The following GML variants were observed in gnomAD, a reference collection of about 807,000 sequenced individuals.
GML encodes the protein glycosyl-phosphatidylinositol-anchored molecule-like protein.
In GML, 5 loss-of-function variants were observed where a neutral mutation model predicts 8.2. That is an observed-to-expected ratio of 0.61 (90% CI 0.32 to 1.28). GML has a LOEUF of 1.28. Among genes scored for constraint, GML ranks in the 50% most tolerant of loss-of-function variants. The pLI, the probability that GML is intolerant of heterozygous loss-of-function variation, is 0.06. For synonymous variants in GML, 72 were observed against 69.0 expected, an observed-to-expected ratio of 1.04 and a Z score of -0.22; for missense variants, 191 against 198.3, an observed-to-expected ratio of 0.96 and a Z score of 0.22.
intron 3 of GML, among the ~76,000 whole-genome samples, chr8:142,845,162 C>T (rs1278605502): frequency 6.6e-6 from 1 of 152,150 alleles, no homozygotes; most frequent in East Asian, 1.9e-4. Context: ...GCAAAAGAAG[C>T]CATCCACAAA....
At chr8:142,844,513 C>T (rs1221496874) in intron 3 of GML, among the ~76,000 whole-genome samples, 1 of 152,152 alleles carries the variant, frequency 6.6e-6, no homozygotes, top group Non-Finnish European at 1.5e-5. Context: ...AATAGTATAA[C>T]CGCAAGCCAC....
rs374503896 is a variant in GML, at chr8:142,846,634, G to T, written c.421G>T (p.Val141Leu). Residue 141 changes from valine (V) to leucine (L), a missense_variant, in exon 4 of 4, where the codon GTA becomes TTA. Coordinates refer to ENST00000220940, the MANE Select transcript of GML (RefSeq NM_002066.3). ...ELPEGTVRLGVSKLLLSFASI... is the reference protein window; with the variant it reads ...ELPEGTVRLGLSKLLLSFASI... ...TCCAGAAGGAACTGTGAGGCTGGGG[G>T]TATCAAAACTGTTGCTGAGTTTTGC... is the stretch of plus-strand genomic sequence containing the variant. 17 of 1,613,912 alleles carry T rather than the reference G, an allele frequency of 1.1e-5. No individual in the cohort carries two copies. The highest frequency in any genetic ancestry group is 1.3e-5 in the Non-Finnish European group (15 of 1,179,926).
intron 1 of GML, among the ~76,000 whole-genome samples, chr8:142,836,916 T>C (rs1056499292): frequency 2.0e-5 from 3 of 152,340 alleles, no homozygotes; most frequent in African/African-American, 7.2e-5. Context: ...TTTCTGAAAT[T>C]GAAATCTTTT....
At chr8:142,842,016 T>C (rs922897834) in intron 3 of GML, among the ~76,000 whole-genome samples, 1 of 152,204 alleles carries the variant, frequency 6.6e-6, no homozygotes, top group African/African-American at 2.4e-5. Context: ...CACCCAGATC[T>C]CATCTTGAAT....
At chr8:142,835,168 T>A (rs947435632) in intron 1 of GML, among the ~76,000 whole-genome samples, 1 of 150,706 alleles carries the variant, frequency 6.6e-6, no homozygotes, top group African/African-American at 2.4e-5. Flanking sequence ...TCAGCTCCTC[T>A]CAGGGGTACT....
rs150336506 is a variant in GML, at chr8:142,840,458, C to T, written c.21C>T (p.Leu7=). Residue 7 remains leucine (L), a synonymous_variant, in exon 2 of 4, where the codon CTC becomes CTT. Coordinates refer to ENST00000220940, the MANE Select transcript of GML (RefSeq NM_002066.3). MLLFAL[L]LAMELPLVAA... ...AAGTGATGCTCCTCTTTGCCTTACT[C>T]CTAGCCATGGAGCTCCCATTGGTGG... The T allele has an allele frequency of 8.0e-4, 1,289 of 1,613,786 alleles. 6 individuals carry two copies. The highest frequency in any genetic ancestry group is 5.5e-3 in the South Asian group (497 of 91,082).
chr8:142,841,058 G>C (rs1816424860), intron 2 of GML, 60 bp from the exon 3 acceptor site: 2 of 842,910 alleles, frequency 2.4e-6, no homozygotes, highest in Non-Finnish European at 4.2e-6. Context: ...GAGTGAGCTG[G>C]TAATGGGTGG....
At chr8:142,836,443 A>G (rs890760917) in intron 1 of GML, among the ~76,000 whole-genome samples, 64 of 152,310 alleles carry the variant, frequency 4.2e-4, no homozygotes, top group African/African-American at 1.4e-3. Flanking sequence ...AAATTTTTTC[A>G]TCTTTAAAAA....
At chr8:142,844,326 A>G (rs911989883) in intron 3 of GML, among the ~76,000 whole-genome samples, 2 of 151,990 alleles carry the variant, frequency 1.3e-5, no homozygotes, top group Admixed American at 6.6e-5. Context: ...GTAGATCTCA[A>G]TGTAAATATT....
intron 3 of GML, among the ~76,000 whole-genome samples, chr8:142,844,754 C>T (rs1816482942): frequency 6.6e-6 from 1 of 152,150 alleles, no homozygotes; most frequent in Non-Finnish European, 1.5e-5. Context: ...ACAATAACAC[C>T]ACAGGAAATG....
chr8:142,837,975 C>G (rs528405734), intron 1 of GML, among the ~76,000 whole-genome samples: 1 of 149,020 alleles, frequency 6.7e-6, no homozygotes, highest in African/African-American at 2.5e-5. Flanking sequence ...TTTGCATTCC[C>G]TACTGGAGTC....
intron 1 of GML, among the ~76,000 whole-genome samples, chr8:142,836,196 G>A (rs1474276929): frequency 6.6e-6 from 1 of 152,246 alleles, no homozygotes; most frequent in African/African-American, 2.4e-5. Context: ...GCCCAGACTT[G>A]TGATTGGCAT....
At chr8:142,842,752 C>T (rs189575909) in intron 3 of GML, among the ~76,000 whole-genome samples, 160 of 152,296 alleles carry the variant, frequency 1.1e-3, no homozygotes, top group African/African-American at 3.7e-3. Flanking sequence ...ACTCCAGTGG[C>T]GCAGTTTAAA....
chr8:142,846,703 G>A lies in GML; in HGVS notation c.*13G>A, dbSNP rs769605108. On this transcript the variant is annotated 3_prime_UTR_variant, in exon 4 of 4. Coordinates refer to ENST00000220940, the MANE Select transcript of GML (RefSeq NM_002066.3). ...TATATTGCCATGAGGACCCCACCTT[G>A]GAGGGTCTGACCATCTTCACCTGTT... is the stretch of plus-strand genomic sequence containing the variant. 5 of 1,598,826 alleles carry A rather than the reference G, an allele frequency of 3.1e-6. No homozygotes were observed. The South Asian group carries it at 5.5e-5, about 18-fold the overall frequency.
chr8:142,837,226 G>A (rs1381614580), intron 1 of GML, among the ~76,000 whole-genome samples: 1 of 151,970 alleles, frequency 6.6e-6, no homozygotes, highest in Non-Finnish European at 1.5e-5. Context: ...CCCTGGAGGT[G>A]GAGGTTGTAG....
At chr8:142,835,553 C>T (rs186753876) in intron 1 of GML, among the ~76,000 whole-genome samples, 15 of 152,348 alleles carry the variant, frequency 9.8e-5, no homozygotes, top group Admixed American at 7.2e-4. Context: ...CGTGTCCCTT[C>T]AGGCTACTTC....
At chr8:142,835,049 G>C (rs1816312721) in intron 1 of GML, 181 bp downstream of exon 1, 1 of 139,568 alleles carries the variant, frequency 7.2e-6, no homozygotes, top group South Asian at 2.4e-4. Flanking sequence ...CCCGAACTCA[G>C]CTCCTCTCAG....
intron 3 of GML, among the ~76,000 whole-genome samples, chr8:142,841,490 T>G (rs1816434169): frequency 1.3e-5 from 2 of 152,222 alleles, no homozygotes; most frequent in African/African-American, 4.8e-5. Context: ...GGAGCATTGC[T>G]GGACCTCAGA....
chr8:142,840,388 C>G (rs3750246), intron 1 of GML, 28 bp from the exon 2 acceptor site: 13 of 1,387,946 alleles, frequency 9.4e-6, no homozygotes, highest in Non-Finnish European at 1.2e-5. Context: ...GGCTCACTAA[C>G]GTGTTGTATG....
Sources: allele counts gnomAD v4.1 joint callset (sites outside exome capture counted in the v4.1 genomes callset), GRCh38; gene constraint gnomAD v4.1.1; transcripts MANE v1.5; gene names NCBI Gene and HGNC (gene_info 2026-07-23, HGNC 2026-07-21).